ACOX3: variants seen among roughly 807,000 people sequenced by gnomAD.
ACOX3 encodes the protein acyl-CoA oxidase 3, pristanoyl.
Under a neutral mutation model 81.5 loss-of-function variants are expected in ACOX3, and 73 were observed. The ratio of observed to expected loss-of-function variants is 0.90; its 90% confidence interval spans 0.74 to 1.09. ACOX3 has a LOEUF of 1.09. Ranked by LOEUF, ACOX3 falls within the 50% of genes least tolerant of loss-of-function variation. The probability of loss-of-function intolerance (pLI) is 0.00; values close to 1 mark genes in which losing one functional copy is unlikely to be tolerated. For synonymous variants in ACOX3, 387 were observed against 375.1 expected (o/e 1.03, Z -0.37); for missense variants, 947 against 928.0 (o/e 1.02, Z -0.27).
chr4:8,410,384 T>C, intron 5 of ACOX3, 29 bp from the exon 6 acceptor site: 6 of 1,609,732 alleles, frequency 3.7e-6, no homozygotes, highest in Non-Finnish European at 5.1e-6. Context: ...AGGTTAGTTA[T>C]AATTAGCAAC....
chr4:8,414,820 C>T lies in ACOX3; in HGVS notation c.453+34G>A, dbSNP rs776818766. 2 of 1,594,694 alleles carry T rather than the reference C, an allele frequency of 1.3e-6. No homozygotes were observed. Among genetic ancestry groups the T allele is most frequent in the South Asian group, 2.2e-5 (2 of 90,680 alleles). On this transcript the variant is annotated intron_variant, in intron 4 of 17. Coordinates refer to ENST00000356406, the MANE Select transcript of ACOX3 (RefSeq NM_003501.3). The surrounding 1 kb of genome is among the most constrained non-coding windows in gnomAD (Gnocchi z 6.1). Reference sequence around the variant, plus strand: ...TCTCTACAGAGATCAAGCAAGAGAACCAGGCTCACAATTTACCATGAACCA... The same window carrying T: ...TCTCTACAGAGATCAAGCAAGAGAATCAGGCTCACAATTTACCATGAACCA...
chr4:8,427,216 C>G (rs560368533), intron 1 of ACOX3, among the ~76,000 whole-genome samples: 1 of 152,320 alleles, frequency 6.6e-6, no homozygotes, highest in Admixed American at 6.5e-5. Flanking sequence ...GATCATCTGT[C>G]GCCTGAGAGC....
rs1441958460 is a variant in ACOX3, at chr4:8,389,671, T to G, written c.1364A>C (p.Asn455Thr). 5 of 1,614,012 alleles carry G rather than the reference T, an allele frequency of 3.1e-6. No homozygotes were observed. Among genetic ancestry groups the G allele is most frequent in the Non-Finnish European group, 4.2e-6 (5 of 1,180,016 alleles). Residue 455 changes from asparagine to threonine, a missense_variant, in exon 12 of 18, where the codon AAC becomes ACC. Asn to Thr is a moderately conservative substitution (Grantham distance 65, BLOSUM62 0). Transcript: ENST00000356406. The surrounding 1 kb of genome is among the most constrained non-coding windows in gnomAD (Gnocchi z 5.3). ...GTTGCTTGTCTGCTGCAGCAGGATG[T>G]TGTTGTCACCTTCGTATGTGCAGTT... Reference protein sequence around the residue: ...DPNCTYEGDNNILLQQTSNYL... With the variant: ...DPNCTYEGDNTILLQQTSNYL...
In ACOX3 at chr4:8,426,619, T is replaced by C. The variant is rs542516649; in HGVS notation, c.-14-10084A>G. ...CCTTACCAAGAGCTTCTATGGAGAA[T>C]GCGGCTTCCCAGAAATATTGATGCC... On this transcript the variant is annotated intron_variant, in intron 1 of 17. Transcript: ENST00000356406. Among the ~76,000 whole-genome samples, 22 of 150,588 alleles carry C rather than the reference T, an allele frequency of 1.5e-4. 1 individual carries two copies. Among genetic ancestry groups the C allele is most frequent in the African/African-American group, 5.1e-4 (21 of 40,992 alleles).
At chr4:8,358,687 G>C in the ACOX3 span, among the ~76,000 whole-genome samples, 1 of 152,142 alleles carries the variant, frequency 6.6e-6, no homozygotes. Flanking sequence ...AGTGACCTCT[G>C]GTCATCCTCA....
At chr4:8,357,279 G>A in the ACOX3 span, 21 of 456,512 alleles carry the variant, frequency 4.6e-5, no homozygotes, top group Non-Finnish European at 7.5e-5. Context: ...GGGGGCCCTC[G>A]AGGGGAATGC....
chr4:8,374,651 CTG>C (rs1716689096), intron 15 of ACOX3: 2 of 259,190 alleles, frequency 7.7e-6, no homozygotes, highest in Admixed American at 1.1e-4. Flanking sequence ...TGGCTCGTGT[CTG>C]TCTGTGCCTT....
At chr4:8,362,268 C>G (rs1324834675), downstream of ACOX3, among the ~76,000 whole-genome samples, 1 of 152,096 alleles carries the variant, frequency 6.6e-6, no homozygotes, top group Non-Finnish European at 1.5e-5. Flanking sequence ...TTAACTGAAC[C>G]AATAAAAAAC....
At chr4:8,355,464 G>A in the ACOX3 span, 1 of 152,222 alleles carries the variant, frequency 6.6e-6, no homozygotes, top group South Asian at 2.1e-4. Flanking sequence ...CACTCATACA[G>A]GTGGCATTTC....
intron 1 of ACOX3, among the ~76,000 whole-genome samples, chr4:8,425,107 T>C (rs1406494525): frequency 6.6e-6 from 1 of 152,112 alleles, no homozygotes; most frequent in Non-Finnish European, 1.5e-5. Flanking sequence ...ACCTATCAAA[T>C]CTCAGGAAGC....
chr4:8,356,498 G>A, the ACOX3 span: 1 of 446,968 alleles, frequency 2.2e-6, no homozygotes. Flanking sequence ...CTGGGAAAAT[G>A]GCTGTGCCAT....
At chr4:8,364,034 T>C (rs1455904445), downstream of ACOX3, among the ~76,000 whole-genome samples, 2 of 152,154 alleles carry the variant, frequency 1.3e-5, no homozygotes, top group East Asian at 3.8e-4. This position sits in a 1 kb window ranked among gnomAD's most constrained non-coding sequence, Gnocchi z 5.0. Flanking sequence ...TGCTTTCACT[T>C]TACTCTATGG....
In ACOX3 at chr4:8,375,005, T is replaced by C; in HGVS notation, c.1801A>G (p.Ser601Gly). The C allele has an allele frequency of 6.5e-7, 1 of 1,539,184 alleles. No homozygotes were observed. The highest frequency in any genetic ancestry group is 2.0e-5 in the Admixed American group (1 of 49,476). ...LSALYALWSL[S>G]RHAALLYRGG... ...CGGTAGAGCAGGGCCGCGTGGCGGCTCAGGGACCACAGGGCGTACAGAGCA... is the reference window on the plus strand; with the variant it reads ...CGGTAGAGCAGGGCCGCGTGGCGGCCCAGGGACCACAGGGCGTACAGAGCA... The change falls in exon 15 of 18, where the codon AGC becomes GGC. Residue 601 changes from serine (S) to glycine (G), a missense_variant. Physicochemically the swap from Ser to Gly is moderately conservative, Grantham distance 56. Transcript: ENST00000356406.
intron 10 of ACOX3, 77 bp from the exon 11 acceptor site, chr4:8,392,530 T>A: frequency 8.5e-6 from 12 of 1,410,340 alleles, no homozygotes; most frequent in Non-Finnish European, 1.1e-5. Flanking sequence ...AGCAATAGCA[T>A]CAAACCACCA....
In ACOX3 at chr4:8,432,265, G is replaced by A. The variant is rs6823542; in HGVS notation, c.-15+8383C>T. Among the ~76,000 whole-genome samples the A allele has an allele frequency of 5.7e-3, 874 of 152,052 alleles. 11 individuals are homozygous for A. Among genetic ancestry groups the A allele is most frequent in the African/African-American group, 0.018 (763 of 41,464 alleles). On this transcript the variant is annotated intron_variant, in intron 1 of 17. Coordinates refer to ENST00000356406, the MANE Select transcript of ACOX3 (RefSeq NM_003501.3). This position sits in a 1 kb window ranked among gnomAD's most constrained non-coding sequence, Gnocchi z 6.2. The stretch of plus-strand genomic sequence containing the variant: ...ATTTTTTTTTTCGAGATGGAGTCTC[G>A]CTCTGTTGCCCAGACTGGAGTGCAG...
At chr4:8,429,164 G>A (rs1190295667) in intron 1 of ACOX3, among the ~76,000 whole-genome samples, 1 of 152,166 alleles carries the variant, frequency 6.6e-6, no homozygotes, top group African/African-American at 2.4e-5. Flanking sequence ...CACTTCTTAT[G>A]AAATTTACAG....
chr4:8,392,420 A>T lies in ACOX3; in HGVS notation c.1213T>A (p.Ser405Thr), dbSNP rs1396715295. 3 of 1,608,022 alleles carry T rather than the reference A, an allele frequency of 1.9e-6. No individual in the cohort carries two copies. In the African/African-American group the frequency reaches 4.0e-5, roughly 22 times the overall value. Residue 405 changes from serine to threonine, a missense_variant, in exon 11 of 18, where the codon TCG becomes ACG. Transcript: ENST00000356406. ...ELGREIHALA[S>T]ASKPLASWTT... ...CACGAGGCCAGGGGCTTGCTGGCCGATGCCAGGGCGTGGATCTCACGTCCA... is the reference window on the plus strand; with the variant it reads ...CACGAGGCCAGGGGCTTGCTGGCCGTTGCCAGGGCGTGGATCTCACGTCCA...
intron 14 of ACOX3, among the ~76,000 whole-genome samples, chr4:8,380,804 T>C (rs1467677343): frequency 2.0e-5 from 3 of 152,148 alleles, no homozygotes; most frequent in Non-Finnish European, 2.9e-5. Flanking sequence ...CAGCTATGGT[T>C]AGGGCTGGCG....
rs561820521 is a variant in ACOX3, at chr4:8,406,857, C to T, written c.688-814G>A. ...GACTAGGAGCGTGACCACTGAAGCACGGCATCACAGGGAGACGGTTAGTCC... is the reference window on the plus strand; with the variant it reads ...GACTAGGAGCGTGACCACTGAAGCATGGCATCACAGGGAGACGGTTAGTCC... On this transcript the variant is annotated intron_variant, in intron 6 of 17. Transcript: ENST00000356406. The surrounding 1 kb of genome is among the most constrained non-coding windows in gnomAD (Gnocchi z 5.6). 2.0e-4 allele frequency among the ~76,000 whole-genome samples: 31 copies of T among 152,330 alleles called. No individual in the cohort carries two copies. Among genetic ancestry groups the T allele is most frequent in the African/African-American group, 5.8e-4 (24 of 41,580 alleles).
Sources: gnomAD v4.1 joint callset for allele counts (sites outside exome capture counted in the v4.1 genomes callset) on GRCh38, gnomAD v4.1.1 for gene constraint, Gnocchi (gnomAD v3.1) non-coding constraint, MANE v1.5 for transcripts, NCBI Gene and HGNC (gene_info 2026-07-23, HGNC 2026-07-21) for gene names.